The following NOSTRIN variants were observed in gnomAD, a reference collection of about 807,000 sequenced individuals.
NOSTRIN encodes BM247 homolog.
A neutral mutation model predicts 59.0 loss-of-function variants in NOSTRIN; 63 were observed. That is an observed-to-expected ratio of 1.07 (90% CI 0.87 to 1.32). The LOEUF (loss-of-function observed/expected upper bound fraction) is 1.32. Among genes scored for constraint, NOSTRIN ranks in the 40% most tolerant of loss-of-function variants. NOSTRIN has a pLI of 0.00. For missense variants in NOSTRIN, 512 were observed against 473.1 expected, an observed-to-expected ratio of 1.08 and a Z score of -0.76; for synonymous variants, 200 against 165.4, an observed-to-expected ratio of 1.21 and a Z score of -1.61.
chr2:168,788,892 A>AAGAT (rs4000833), intron 2 of NOSTRIN, among the ~76,000 whole-genome samples: 43,430 of 148,150 alleles, frequency 0.29, 6,408 homozygotes, highest in East Asian at 0.4. Flanking sequence ...CACAGATAAA[A>AAGAT]AGATAGATAG....
intron 2 of NOSTRIN, among the ~76,000 whole-genome samples, chr2:168,789,468 A>G (rs541934728): frequency 6.6e-6 from 1 of 152,318 alleles, no homozygotes; most frequent in South Asian, 2.1e-4. Flanking sequence ...ATTCACTGTC[A>G]TGAGAACAGC....
chr2:168,849,582 C>T (rs1352327200), intron 8 of NOSTRIN, among the ~76,000 whole-genome samples: 1 of 150,138 alleles, frequency 6.7e-6, no homozygotes, highest in Non-Finnish European at 1.5e-5. Context: ...CCTTGAACTC[C>T]TGACCTCAGG....
At chr2:168,845,315 G>A (rs1433650118) in intron 8 of NOSTRIN, among the ~76,000 whole-genome samples, 1 of 152,036 alleles carries the variant, frequency 6.6e-6, no homozygotes, top group African/African-American at 2.4e-5. Context: ...TCCTTGGATG[G>A]CCCTGTTAGG....
rs776294886 is a variant in NOSTRIN at position 168,865,015 on chromosome 2, T to C, written c.*45T>C. The C allele has an allele frequency of 1.3e-6, 2 of 1,597,210 alleles. No individual in the cohort carries two copies. The highest frequency in any genetic ancestry group is 1.3e-5 in the African/African-American group (1 of 74,384). On this transcript the variant is annotated 3_prime_UTR_variant, in exon 16 of 16. Transcript: ENST00000317647. ...TACCTTCACACTCGGTAATCAACAA[T>C]ACAGTGTGGTTCAAATAAGAATAAA...
chr2:168,862,188 C>T, intron 15 of NOSTRIN, 139 bp downstream of exon 15: 1 of 707,536 alleles, frequency 1.4e-6, no homozygotes, highest in Non-Finnish European at 2.4e-6. Flanking sequence ...ATAAGCACAT[C>T]TAAAACAAAA....
intron 2 of NOSTRIN, among the ~76,000 whole-genome samples, chr2:168,819,210 C>T (rs1156697151): frequency 6.6e-6 from 1 of 152,120 alleles, no homozygotes; most frequent in Non-Finnish European, 1.5e-5. Context: ...CGAGATAAAG[C>T]ACCTCCCTTT....
chr2:168,847,864 T>G (rs895910205), intron 8 of NOSTRIN, among the ~76,000 whole-genome samples: 1 of 152,242 alleles, frequency 6.6e-6, no homozygotes, highest in Non-Finnish European at 1.5e-5. Flanking sequence ...CCTCTTCTTA[T>G]GAGCAAACAT....
intron 10 of NOSTRIN, among the ~76,000 whole-genome samples, chr2:168,852,594 C>T (rs577192): frequency 0.87 from 132,916 of 152,228 alleles, 58,235 homozygotes; most frequent in African/African-American, 0.96. Context: ...CACTCTTCTC[C>T]GATATGGAGA....
At chr2:168,817,086 CTT>C (rs1447190988) in intron 2 of NOSTRIN, among the ~76,000 whole-genome samples, 8 of 152,212 alleles carry the variant, frequency 5.3e-5, no homozygotes, top group Non-Finnish European at 1.0e-4. Context: ...TACTTGATCT[CTT>C]TAATTATCTC....
In NOSTRIN at chr2:168,864,991, A is replaced by G; in HGVS notation, c.*21A>G. On this transcript the variant is annotated 3_prime_UTR_variant, in exon 16 of 16. Transcript: ENST00000317647. ...CATAAAACAAGACTCTGAACATACT[A>G]CCTTCACACTCGGTAATCAACAATA... 6.2e-7 allele frequency: 1 copy of G among 1,612,754 alleles called. No individual in the cohort carries two copies. Among genetic ancestry groups the G allele is most frequent in the African/African-American group, 1.3e-5 (1 of 74,994 alleles).
chr2:168,817,842 G>A (rs1029288840), intron 2 of NOSTRIN, among the ~76,000 whole-genome samples: 1 of 152,164 alleles, frequency 6.6e-6, no homozygotes, highest in Non-Finnish European at 1.5e-5. Flanking sequence ...TAGCAAGTGA[G>A]CCAGCCACTC....
chr2:168,845,274 T>C (rs1688346015), intron 8 of NOSTRIN, among the ~76,000 whole-genome samples: 1 of 152,212 alleles, frequency 6.6e-6, no homozygotes, highest in African/African-American at 2.4e-5. Context: ...CACTTCCTGA[T>C]GAAGCCGTGG....
In NOSTRIN at chr2:168,838,482, C is replaced by T. The variant is rs536067674; in HGVS notation, c.504+4157C>T. 5.3e-5 allele frequency among the ~76,000 whole-genome samples: 8 copies of T among 152,260 alleles called. No homozygotes were observed. The East Asian group carries it at 1.6e-3, about 30-fold the overall frequency. ...CTCGAACTCCAAACATCAAGTGATC[C>T]GCCCGCCTTGGCCTCCCAAAATACT... On this transcript the variant is annotated intron_variant, in intron 7 of 15. Coordinates refer to ENST00000317647, the MANE Select transcript of NOSTRIN (RefSeq NM_001039724.4).
intron 4 of NOSTRIN, 87 bp from the exon 5 acceptor site, chr2:168,828,333 C>T (rs1687168079): frequency 3.5e-6 from 3 of 862,782 alleles, no homozygotes; most frequent in African/African-American, 1.6e-5. Context: ...TTCCATAACA[C>T]ACTATTTTAT....
upstream of NOSTRIN, among the ~76,000 whole-genome samples, chr2:168,797,218 T>C (rs12612019): frequency 0.38 from 56,812 of 150,896 alleles, 11,704 homozygotes; most frequent in East Asian, 0.62. Context: ...GCCTCCTGAA[T>C]AGCTGGGACT....
At chr2:168,853,782 G>T (rs76853319) in intron 10 of NOSTRIN, among the ~76,000 whole-genome samples, 7 of 152,284 alleles carry the variant, frequency 4.6e-5, no homozygotes, top group African/African-American at 1.7e-4. Context: ...GTCAACTTGG[G>T]CCTTCTTTTA....
chr2:168,790,661 A>G (rs1276379888), intron 2 of NOSTRIN, among the ~76,000 whole-genome samples: 1 of 152,248 alleles, frequency 6.6e-6, no homozygotes, highest in African/African-American at 2.4e-5. Flanking sequence ...ACTGTTCCAG[A>G]GTGGAAACTA....
Position 168,859,572 on chromosome 2 carries a change from G to A in NOSTRIN, c.1114G>A (p.Glu372Lys), listed in dbSNP as rs377246627. 5.6e-6 allele frequency: 9 copies of A among 1,614,002 alleles called. No homozygotes were observed. The highest frequency in any genetic ancestry group is 7.6e-6 in the Non-Finnish European group (9 of 1,180,004). Residue 372 changes from glutamate (E) to lysine (K), a missense_variant, in exon 13 of 16, where the codon GAA (glutamate) becomes AAA (lysine). By Grantham distance (56) the Glu-to-Lys change is moderately conservative (BLOSUM62 1). Transcript: ENST00000317647. The stretch of plus-strand genomic sequence containing the variant: ...CTACAAACTGTCATCAATGTTAGCA[G>A]AACTTGAGCAAAGACCTCAACCCAG... Reference protein sequence around the residue: ...NSYKLSSMLAELEQRPQPSHP... With the variant: ...NSYKLSSMLAKLEQRPQPSHP...
Position 168,808,650 on chromosome 2 carries a change from A to G in NOSTRIN, c.28-2917A>G, listed in dbSNP as rs111460265. 1.3e-3 allele frequency among the ~76,000 whole-genome samples: 195 copies of G among 152,344 alleles called. 1 individual carries two copies. The highest frequency in any genetic ancestry group is 4.4e-3 in the African/African-American group (183 of 41,588). The stretch of plus-strand genomic sequence containing the variant: ...TGAGATATTTCTAAATAAATCAAAT[A>G]AGAAAGCCACAGGACCTATAAAGAA... On this transcript the variant is annotated intron_variant, in intron 1 of 15. Transcript: ENST00000317647.
Sources: allele counts gnomAD v4.1 joint callset (sites outside exome capture counted in the v4.1 genomes callset), GRCh38; gene constraint gnomAD v4.1.1; transcripts MANE v1.5; gene names NCBI Gene and HGNC (gene_info 2026-07-23, HGNC 2026-07-21).